CDYL2: variants seen among roughly 807,000 people sequenced by gnomAD.
CDYL2 encodes the protein chromodomain Y-like protein 2.
In CDYL2, 23 loss-of-function variants were observed where a neutral mutation model predicts 49.4. That is an observed-to-expected ratio of 0.47 (90% CI 0.34 to 0.66). CDYL2 has a LOEUF of 0.66. CDYL2 is among the 30% of genes least tolerant of loss of function. The pLI, the probability that CDYL2 is intolerant of heterozygous loss-of-function variation, is 0.01. For missense variants in CDYL2, 678 were observed against 656.4 expected, an observed-to-expected ratio of 1.03 and a Z score of -0.36; for synonymous variants, 360 against 268.8, an observed-to-expected ratio of 1.34 and a Z score of -3.32.
intron 1 of CDYL2, among the ~76,000 whole-genome samples, chr16:80,695,524 G>A (rs1408093691): frequency 6.6e-6 from 1 of 152,104 alleles, no homozygotes; most frequent in African/African-American, 2.4e-5. Flanking sequence ...CACCTGTAAA[G>A]ACACAAACAG....
chr16:80,652,560 T>G (rs917181261), intron 2 of CDYL2, among the ~76,000 whole-genome samples: 1 of 152,184 alleles, frequency 6.6e-6, no homozygotes, highest in Non-Finnish European at 1.5e-5. Context: ...CATTCCTGAG[T>G]GAGCACCACG....
intron 1 of CDYL2, among the ~76,000 whole-genome samples, chr16:80,790,654 G>A (rs933888632): frequency 5.3e-5 from 8 of 152,124 alleles, no homozygotes; most frequent in African/African-American, 1.9e-4. Context: ...AGGTGCTTTG[G>A]ATTCTATTAC....
In CDYL2 at chr16:80,600,507, T is replaced by C. The variant is rs989926889; in HGVS notation, c.*3881A>G. On this transcript the variant is annotated 3_prime_UTR_variant, in exon 7 of 7. Transcript: ENST00000570137. ...AATATCTACAAAGGCAAAGTGTAGATGTTTAAAGATTATACAAAACCATTT... is the reference window on the plus strand; with the variant it reads ...AATATCTACAAAGGCAAAGTGTAGACGTTTAAAGATTATACAAAACCATTT... 2.0e-5 allele frequency: 3 copies of C among 152,318 alleles called. No individual in the cohort carries two copies. The highest frequency in any genetic ancestry group is 7.2e-5 in the African/African-American group (3 of 41,584). 9.4% of individuals were successfully genotyped at this position (152,318 alleles called of 1,614,324 possible).
chr16:80,621,016 G>A, intron 3 of CDYL2, 81 bp from the exon 4 acceptor site: 3 of 1,418,882 alleles, frequency 2.1e-6, no homozygotes, highest in Non-Finnish European at 1.9e-6. Context: ...GACAGCCAGA[G>A]GCCTGACCCC....
At chr16:80,605,053 G>A (rs1906270083) in intron 6 of CDYL2, among the ~76,000 whole-genome samples, 2 of 151,572 alleles carry the variant, frequency 1.3e-5, no homozygotes, top group South Asian at 4.2e-4. Context: ...TAACACTCAA[G>A]GCTATCACCT....
chr16:80,639,522 A>C, intron 2 of CDYL2: 2 of 333,664 alleles, frequency 6.0e-6, no homozygotes, highest in Non-Finnish European at 1.2e-5. Flanking sequence ...TCAGCAATAA[A>C]AAATGAGTTA....
intron 5 of CDYL2, among the ~76,000 whole-genome samples, chr16:80,611,388 A>G (rs1401441971): frequency 1.3e-5 from 2 of 152,206 alleles, no homozygotes; most frequent in African/African-American, 4.8e-5. Context: ...AATAAGGATT[A>G]GCCCATCAGA....
At chr16:80,660,672 G>T (rs1051515484) in intron 2 of CDYL2, among the ~76,000 whole-genome samples, 2 of 152,128 alleles carry the variant, frequency 1.3e-5, no homozygotes, top group Non-Finnish European at 2.9e-5. Flanking sequence ...CATATTAAAA[G>T]ACAGAGATAA....
At chr16:80,697,666 T>C (rs1597181588) in intron 1 of CDYL2, among the ~76,000 whole-genome samples, 2 of 152,130 alleles carry the variant, frequency 1.3e-5, no homozygotes, top group Admixed American at 1.3e-4. Flanking sequence ...CTTATATATA[T>C]ATAAATCTAA....
chr16:80,623,327 T>C (rs1907165105), intron 3 of CDYL2, among the ~76,000 whole-genome samples: 1 of 152,156 alleles, frequency 6.6e-6, no homozygotes, highest in Non-Finnish European at 1.5e-5. Flanking sequence ...GGTCTCCCTA[T>C]TTGTAAAATT....
chr16:80,798,733 C>G (rs1162855369), intron 1 of CDYL2, among the ~76,000 whole-genome samples: 2 of 152,118 alleles, frequency 1.3e-5, no homozygotes, highest in African/African-American at 2.4e-5. Context: ...TGCCCCTAAT[C>G]CAAGTATTGT....
At chr16:80,687,800 C>A (rs981315231) in intron 1 of CDYL2, among the ~76,000 whole-genome samples, 1 of 152,164 alleles carries the variant, frequency 6.6e-6, no homozygotes, top group Non-Finnish European at 1.5e-5. Context: ...ACTCATAGAG[C>A]AAGGCAGAAG....
chr16:80,685,248 G>T (rs1458452623), intron 1 of CDYL2, 119 bp from the exon 2 acceptor site: 1 of 729,502 alleles, frequency 1.4e-6, no homozygotes, highest in Non-Finnish European at 2.2e-6. Flanking sequence ...GCCAGGGGGT[G>T]AGCCACGAGC....
rs562276787 is a variant in CDYL2, at chr16:80,732,823, G to A, written c.25-47694C>T. On this transcript the variant is annotated intron_variant, in intron 1 of 6. Coordinates refer to ENST00000570137, the MANE Select transcript of CDYL2 (RefSeq NM_152342.4). ...CAAAAACAACACTAACCTCTCTTAA[G>A]GTCTGCACATTTTCTTTGGATTGGT... is the stretch of plus-strand genomic sequence containing the variant. Among the ~76,000 whole-genome samples the A allele has an allele frequency of 9.2e-5, 14 of 152,250 alleles. 1 individual carries two copies. The South Asian group carries it at 2.9e-3, about 32-fold the overall frequency.
chr16:80,771,470 G>A lies in CDYL2; in HGVS notation c.24+32680C>T, dbSNP rs190118191. Among the ~76,000 whole-genome samples, 25 of 152,342 alleles carry A rather than the reference G, an allele frequency of 1.6e-4. No individual in the cohort carries two copies. The East Asian group carries it at 4.4e-3, about 27-fold the overall frequency. ...TGTAATCCCAGCACTTCGGGAGGCC[G>A]AGGTAGGCGGATCACTTGTGGTCTG... On this transcript the variant is annotated intron_variant, in intron 1 of 6. Coordinates refer to ENST00000570137, the MANE Select transcript of CDYL2 (RefSeq NM_152342.4).
intron 1 of CDYL2, among the ~76,000 whole-genome samples, chr16:80,781,700 T>G (rs1339874065): frequency 6.6e-6 from 1 of 152,160 alleles, no homozygotes; most frequent in Non-Finnish European, 1.5e-5. Context: ...CAAAGTACCT[T>G]TTCTCACCAA....
At chr16:80,685,219 G>T (rs1567570648) in intron 1 of CDYL2, 90 bp from the exon 2 acceptor site, 4 of 1,022,258 alleles carry the variant, frequency 3.9e-6, no homozygotes, top group Non-Finnish European at 5.8e-6. Flanking sequence ...AAGCCTTTGG[G>T]ATAGAGGCAT....
intron 1 of CDYL2, among the ~76,000 whole-genome samples, chr16:80,761,425 G>C (rs1906525159): frequency 6.6e-6 from 1 of 152,236 alleles, no homozygotes; most frequent in African/African-American, 2.4e-5. Flanking sequence ...CCAGAGCTTA[G>C]TAGAGAGCTT....
At chr16:80,676,963 A>ATTTTTTTTTTTTTTTTTTT (rs35188796) in intron 2 of CDYL2, among the ~76,000 whole-genome samples, 1 of 60,056 alleles carries the variant, frequency 1.7e-5, no homozygotes, top group African/African-American at 5.0e-5. Flanking sequence ...AATTCAATGT[A>ATTTTTTTTTTTTTTTTTTT]TTTTTTTTTT....
Sources: gnomAD v4.1 joint callset for allele counts (sites outside exome capture counted in the v4.1 genomes callset) on GRCh38, gnomAD v4.1.1 for gene constraint, MANE v1.5 for transcripts, NCBI Gene and HGNC (gene_info 2026-07-23, HGNC 2026-07-21) for gene names.